DHRS3: variants seen among roughly 807,000 people sequenced by gnomAD.
DHRS3 encodes dehydrogenase/reductase 3.
A neutral mutation model predicts 27.2 loss-of-function variants in DHRS3; 14 were observed. The observed-to-expected ratio is 0.52, with a 90% CI of 0.34 to 0.81. DHRS3 has a LOEUF of 0.81. Among genes scored for constraint, DHRS3 ranks in the 30% least tolerant of loss-of-function variants. The pLI, the probability that DHRS3 is intolerant of heterozygous loss-of-function variation, is 0.01. For missense variants in DHRS3, 322 were observed against 406.2 expected, an observed-to-expected ratio of 0.79 and a Z score of 1.78; for synonymous variants, 165 against 175.9, an observed-to-expected ratio of 0.94 and a Z score of 0.49.
chr1:12,604,051 C>T (rs1440390730), intron 1 of DHRS3, among the ~76,000 whole-genome samples: 2 of 152,174 alleles, frequency 1.3e-5, no homozygotes, highest in Non-Finnish European at 2.9e-5. Context: ...GTACATGACC[C>T]CTTAAAAGTA....
At position 12,594,312 on chromosome 1, in the gene DHRS3, T is replaced by C. The variant is rs1256661357; in HGVS notation, c.196-13646A>G. Among the ~76,000 whole-genome samples the C allele has an allele frequency of 6.6e-6, 1 of 152,258 alleles. No homozygotes were observed. The highest frequency in any genetic ancestry group is 1.9e-4 in the East Asian group (1 of 5,206). ...CATTCAAGGACTATTTGTGGAATTG[T>C]GTGCACCAGGCACTTTGGAGGCCCT... On this transcript the variant is annotated intron_variant, in intron 1 of 5. Transcript: ENST00000616661. This position sits in a 1 kb window ranked among gnomAD's most constrained non-coding sequence, Gnocchi z 4.1.
At chr1:12,615,374 T>C (rs968350609) in intron 1 of DHRS3, among the ~76,000 whole-genome samples, 4 of 152,164 alleles carry the variant, frequency 2.6e-5, no homozygotes, top group Admixed American at 2.6e-4. Context: ...CATTTCTAAT[T>C]GGCCCTGGCT....
chr1:12,587,556 T>C (rs1046588942), intron 1 of DHRS3, among the ~76,000 whole-genome samples: 4 of 152,034 alleles, frequency 2.6e-5, no homozygotes, highest in African/African-American at 9.7e-5. Flanking sequence ...AGTATTGTTA[T>C]TTATGATCTT....
chr1:12,583,417 TATCCATCC>T (rs113024057), intron 1 of DHRS3, among the ~76,000 whole-genome samples: 7 of 84,652 alleles, frequency 8.3e-5, no homozygotes, highest in African/African-American at 1.5e-4. Context: ...CTCACCTACT[TATCCATCC>T]ATCCATCCAT....
At chr1:12,582,421 C>A (rs1238247239) in intron 1 of DHRS3, among the ~76,000 whole-genome samples, 1 of 152,184 alleles carries the variant, frequency 6.6e-6, no homozygotes, top group Non-Finnish European at 1.5e-5. Flanking sequence ...TAATTAAGGT[C>A]TTGAAATACA....
At chr1:12,569,229 TCTCACACACACA>T (rs1646513408) in intron 5 of DHRS3, among the ~76,000 whole-genome samples, 2 of 140,256 alleles carry the variant, frequency 1.4e-5, no homozygotes. Flanking sequence ...TCTCTCTCTC[TCTCACACACACA>T]CACACACACA....
At chr1:12,604,109 T>C (rs760868865) in intron 1 of DHRS3, among the ~76,000 whole-genome samples, 3 of 152,220 alleles carry the variant, frequency 2.0e-5, no homozygotes, top group Non-Finnish European at 4.4e-5. Context: ...TCATATTTTC[T>C]TCAGACCCTT....
chr1:12,617,028 G>T, intron 1 of DHRS3, 126 bp downstream of exon 1: 1 of 1,172,668 alleles, frequency 8.5e-7, no homozygotes, highest in South Asian at 1.5e-5. Flanking sequence ...AGCACTCGTG[G>T]GTGGCGCGGA....
chr1:12,569,995 T>C (rs1404899607), intron 5 of DHRS3: 1 of 152,254 alleles, frequency 6.6e-6, no homozygotes, highest in South Asian at 2.1e-4. Context: ...TAGGTGCCAC[T>C]AAGTAGGTGA....
rs374516224 is a variant in DHRS3 at position 12,593,301 on chromosome 1, C to G, written c.196-12635G>C. ...CCTTAGGGCCTTTGTACTGGCTGCT[C>G]TCTGTTCTCTTTTCCCAAGTATCCC... On this transcript the variant is annotated intron_variant, in intron 1 of 5. Transcript: ENST00000616661. This position sits in a 1 kb window ranked among gnomAD's most constrained non-coding sequence, Gnocchi z 4.6. Among the ~76,000 whole-genome samples, 3 of 152,214 alleles carry G rather than the reference C, an allele frequency of 2.0e-5. No homozygotes were observed. In the East Asian group the frequency reaches 5.8e-4, roughly 29 times the overall value.
At chr1:12,610,738 T>C (rs982979242) in intron 1 of DHRS3, among the ~76,000 whole-genome samples, 1 of 152,216 alleles carries the variant, frequency 6.6e-6, no homozygotes, top group Non-Finnish European at 1.5e-5. Context: ...CCAATGGGCT[T>C]CAATGGTTTC....
intron 4 of DHRS3, among the ~76,000 whole-genome samples, chr1:12,576,068 A>T (rs755253416): frequency 7.8e-4 from 118 of 152,192 alleles, no homozygotes; most frequent in Non-Finnish European, 1.5e-3. Flanking sequence ...AGAAAAGTCA[A>T]GTAACTTGGC....
At chr1:12,613,955 G>A (rs1293001133) in intron 1 of DHRS3, among the ~76,000 whole-genome samples, 2 of 152,002 alleles carry the variant, frequency 1.3e-5, no homozygotes, top group African/African-American at 2.4e-5. Flanking sequence ...ATTTTTAGTC[G>A]AGATGGGGAG....
chr1:12,599,662 C>T (rs1435276017), intron 1 of DHRS3, among the ~76,000 whole-genome samples: 1 of 152,216 alleles, frequency 6.6e-6, no homozygotes, highest in Non-Finnish European at 1.5e-5. Flanking sequence ...CAAACTCTCT[C>T]ATCTCCTATT....
At chr1:12,583,768 GTCCATCCA>G (rs1646668496) in intron 1 of DHRS3, among the ~76,000 whole-genome samples, 1 of 136,780 alleles carries the variant, frequency 7.3e-6, no homozygotes, top group Non-Finnish European at 1.6e-5. Flanking sequence ...CACTCCATCT[GTCCATCCA>G]TCCATGCATC....
Position 12,591,952 on chromosome 1 carries a change from T to A in DHRS3, c.196-11286A>T, listed in dbSNP as rs1646750289. Among the ~76,000 whole-genome samples, 1 of 152,190 alleles carries A rather than the reference T, an allele frequency of 6.6e-6. No homozygotes were observed. The highest frequency in any genetic ancestry group is 2.4e-5 in the African/African-American group (1 of 41,438). On this transcript the variant is annotated intron_variant, in intron 1 of 5. Transcript: ENST00000616661. The surrounding 1 kb of genome is among the most constrained non-coding windows in gnomAD (Gnocchi z 4.1). ...GTGGTTATGAAAGGCATGGCAGAGA[T>A]GTTCCTTGCCCCTCTGCGAGGACAC... is the stretch of plus-strand genomic sequence containing the variant.
intron 1 of DHRS3, among the ~76,000 whole-genome samples, chr1:12,585,395 CTGTGTG>C (rs33958058): frequency 6.6e-6 from 1 of 151,370 alleles, no homozygotes; most frequent in Non-Finnish European, 1.5e-5. Flanking sequence ...CTGTGTGTGA[CTGTGTG>C]TGTGTGAGTG....
intron 1 of DHRS3, among the ~76,000 whole-genome samples, chr1:12,601,596 C>G (rs1302822828): frequency 6.6e-6 from 1 of 152,144 alleles, no homozygotes; most frequent in Non-Finnish European, 1.5e-5. Context: ...ACCTCCAGAG[C>G]CCCCATCGGG....
chr1:12,569,231 T>TCTCA (rs1557509331), intron 5 of DHRS3, among the ~76,000 whole-genome samples: 10 of 110,582 alleles, frequency 9.0e-5, no homozygotes, highest in African/African-American at 2.8e-4. Context: ...TCTCTCTCTC[T>TCTCA]CACACACACA....
Sources: gnomAD v4.1 joint callset for allele counts (sites outside exome capture counted in the v4.1 genomes callset) on GRCh38, gnomAD v4.1.1 for gene constraint, Gnocchi (gnomAD v3.1) non-coding constraint, MANE v1.5 for transcripts, NCBI Gene and HGNC (gene_info 2026-07-23, HGNC 2026-07-21) for gene names.